The following MEGF11 variants were observed in gnomAD, a reference collection of about 807,000 sequenced individuals.
MEGF11 encodes the protein multiple epidermal growth factor-like domains protein 11.
Under a neutral mutation model 146.6 loss-of-function variants are expected in MEGF11, and 126 were observed. That is an observed-to-expected ratio of 0.86 (90% CI 0.74 to 1.00). MEGF11 has a LOEUF of 1.00. MEGF11 is among the 50% of genes least tolerant of loss of function. MEGF11 has a pLI of 0.00. For synonymous variants in MEGF11, 532 were observed against 583.4 expected (o/e 0.91, Z 1.27); for missense variants, 1,509 against 1,521.2 (o/e 0.99, Z 0.13).
intron 5 of MEGF11, among the ~76,000 whole-genome samples, chr15:65,998,367 T>C (rs2082262407): frequency 6.6e-6 from 1 of 152,026 alleles, no homozygotes; most frequent in African/African-American, 2.4e-5. Flanking sequence ...CCCTGCCAGG[T>C]AAGAAAGACA....
At chr15:66,124,298 T>C (rs974017667) in intron 2 of MEGF11, among the ~76,000 whole-genome samples, 2 of 152,236 alleles carry the variant, frequency 1.3e-5, no homozygotes, top group Admixed American at 6.5e-5. Flanking sequence ...GGGGTAGTTT[T>C]ATTCTGTGTG....
intron 5 of MEGF11, among the ~76,000 whole-genome samples, chr15:66,079,543 C>G (rs566789456): frequency 6.9e-5 from 10 of 145,318 alleles, no homozygotes; most frequent in South Asian, 2.3e-4. Flanking sequence ...TCACACCCCC[C>G]CCCCCAGCAC....
intron 5 of MEGF11, among the ~76,000 whole-genome samples, chr15:66,025,988 C>T (rs965050607): frequency 1.8e-4 from 28 of 152,184 alleles, no homozygotes; most frequent in African/African-American, 5.8e-4. Context: ...TAGAACATCC[C>T]GGACTAGTGG....
chr15:65,980,467 G>T (rs2081597622), intron 7 of MEGF11, among the ~76,000 whole-genome samples: 1 of 117,246 alleles, frequency 8.5e-6, no homozygotes, highest in South Asian at 2.8e-4. Context: ...GCAGCAAATT[G>T]ATCTTGGCTG....
At chr15:66,103,616 G>A (rs1482009709) in intron 4 of MEGF11, among the ~76,000 whole-genome samples, 1 of 152,116 alleles carries the variant, frequency 6.6e-6, no homozygotes, top group African/African-American at 2.4e-5. Flanking sequence ...ATGAGGAAGA[G>A]GAGTAGAATA....
intron 10 of MEGF11, among the ~76,000 whole-genome samples, chr15:65,955,398 G>T (rs1188833121): frequency 7.0e-6 from 1 of 142,108 alleles, no homozygotes; most frequent in East Asian, 2.0e-4. Context: ...GATTGTAACT[G>T]TTTTTTTTTT....
chr15:66,138,265 A>G (rs1259783826), intron 1 of MEGF11, among the ~76,000 whole-genome samples: 2 of 152,102 alleles, frequency 1.3e-5, no homozygotes, highest in Non-Finnish European at 2.9e-5. Context: ...CAGGCCACTT[A>G]GGGGAGCCTC....
intron 1 of MEGF11, among the ~76,000 whole-genome samples, chr15:66,191,613 A>G (rs1046396407): frequency 1.3e-5 from 2 of 152,258 alleles, no homozygotes; most frequent in South Asian, 4.1e-4. Context: ...GGGGCACAGG[A>G]GCGATGAGGG....
At chr15:66,060,460 G>A (rs996849576) in intron 5 of MEGF11, among the ~76,000 whole-genome samples, 4 of 152,210 alleles carry the variant, frequency 2.6e-5, no homozygotes, top group Admixed American at 6.5e-5. Context: ...GACACTGCAC[G>A]CTCCATCCAG....
At chr15:66,209,939 C>G (rs563396359) in intron 1 of MEGF11, among the ~76,000 whole-genome samples, 127 of 152,184 alleles carry the variant, frequency 8.3e-4, no homozygotes, top group Non-Finnish European at 1.3e-3. Flanking sequence ...CCCACCTCAG[C>G]CTTCCAAGTA....
intron 10 of MEGF11, among the ~76,000 whole-genome samples, chr15:65,932,998 TC>T (rs1238584269): frequency 2.6e-4 from 39 of 152,058 alleles, no homozygotes; most frequent in Admixed American, 2.5e-3. Context: ...GGAGCTCCCT[TC>T]TCAACTCTAA....
At chr15:66,028,923 G>T (rs2083426114) in intron 5 of MEGF11, among the ~76,000 whole-genome samples, 1 of 152,212 alleles carries the variant, frequency 6.6e-6, no homozygotes, top group Non-Finnish European at 1.5e-5. Flanking sequence ...AACATTTCCT[G>T]TAATTTTGTT....
intron 5 of MEGF11, among the ~76,000 whole-genome samples, chr15:66,061,640 C>CCTT: frequency 8.4e-5 from 1 of 11,976 alleles, no homozygotes; most frequent in Non-Finnish European, 3.0e-4. Flanking sequence ...TTTTTTTGAG[C>CCTT]CTTTTTTTTT....
intron 5 of MEGF11, among the ~76,000 whole-genome samples, chr15:66,036,557 C>T (rs1484999653): frequency 1.3e-5 from 2 of 152,224 alleles, no homozygotes; most frequent in African/African-American, 4.8e-5. Flanking sequence ...CATTCCCATC[C>T]AGGTTTTCTG....
At chr15:66,234,480 G>A (rs1411538182) in intron 1 of MEGF11, among the ~76,000 whole-genome samples, 3 of 152,238 alleles carry the variant, frequency 2.0e-5, no homozygotes, top group African/African-American at 7.2e-5. Context: ...ACGCTGAAGA[G>A]TGGGTATCAG....
intron 5 of MEGF11, among the ~76,000 whole-genome samples, chr15:65,996,304 C>T (rs572652575): frequency 8.7e-4 from 133 of 152,276 alleles, no homozygotes; most frequent in South Asian, 3.1e-3. Context: ...GTGTTGGGCA[C>T]CTCTGCTCAC....
At chr15:66,133,694 C>T (rs1031854506) in intron 1 of MEGF11, among the ~76,000 whole-genome samples, 2 of 152,156 alleles carry the variant, frequency 1.3e-5, no homozygotes, top group African/African-American at 4.8e-5. Context: ...TAAGAAGCTT[C>T]GTCCTTTGCC....
In MEGF11 at chr15:66,094,444, A is replaced by T; in HGVS notation, c.352T>A (p.Cys118Ser). The T allele has an allele frequency of 6.4e-7, 1 of 1,564,262 alleles. No individual in the cohort carries two copies. Among genetic ancestry groups the T allele is most frequent in the Non-Finnish European group, 8.7e-7 (1 of 1,153,832 alleles). ...VHGRCVSPDT[C>S]HCEPGWGGPD... is the part of the protein sequence containing the mutation. ...CCTCCCCAGCCAGGCTCGCAGTGGC[A>T]GGTGTCCGGGGAAACGCAGCGGCCG... is the stretch of plus-strand genomic sequence containing the variant. The change falls in exon 5 of 26, where the codon TGC becomes AGC. Residue 118 changes from cysteine to serine, a missense_variant. Cys to Ser is a moderately radical substitution (Grantham distance 112). Transcript: ENST00000395614.
At chr15:66,134,940 A>T in intron 1 of MEGF11, among the ~76,000 whole-genome samples, 1 of 152,258 alleles carries the variant, frequency 6.6e-6, no homozygotes, top group Admixed American at 6.5e-5. Context: ...ACTTGGTTGC[A>T]GTCTTCATGT....
Sources: allele counts gnomAD v4.1 joint callset (sites outside exome capture counted in the v4.1 genomes callset), GRCh38; gene constraint gnomAD v4.1.1; transcripts MANE v1.5; gene names NCBI Gene and HGNC (gene_info 2026-07-23, HGNC 2026-07-21).